The following CCDC148 variants were observed in gnomAD, a reference collection of about 807,000 sequenced individuals.
CCDC148 encodes the protein coiled-coil domain containing 148.
A neutral mutation model predicts 85.7 loss-of-function variants in CCDC148; 89 were observed. The ratio of observed to expected loss-of-function variants is 1.04; its 90% CI spans 0.87 to 1.24. CCDC148 has a LOEUF of 1.24. CCDC148 is among the 50% of genes most tolerant of loss of function. The probability of loss-of-function intolerance (pLI) is 0.00; values close to 1 mark genes in which losing one functional copy is unlikely to be tolerated. For synonymous variants in CCDC148, 230 were observed against 213.9 expected, an observed-to-expected ratio of 1.08 and a Z score of -0.66; for missense variants, 692 against 671.7, an observed-to-expected ratio of 1.03 and a Z score of -0.33.
rs1686026059 is a variant in CCDC148, at chr2:158,202,625, T to C, written c.1370+17970A>G. ...GTCTCTGTTGGCATCTATTCAACTC[T>C]GTCACTGCAGCACACGAAAGCAGCC... On this transcript the variant is annotated intron_variant, in intron 11 of 13. Transcript: ENST00000283233. Among the ~76,000 whole-genome samples the C allele has an allele frequency of 2.6e-5, 4 of 152,230 alleles. No individual in the cohort carries two copies. In the South Asian group the frequency reaches 8.3e-4, roughly 31 times the overall value.
intron 9 of CCDC148, among the ~76,000 whole-genome samples, chr2:158,276,223 G>T (rs1387289203): frequency 1.3e-5 from 2 of 152,072 alleles, no homozygotes; most frequent in African/African-American, 2.4e-5. Flanking sequence ...TCGAGGTCAG[G>T]AGTTCAAGAC....
chr2:158,186,849 G>T (rs1471191003), intron 11 of CCDC148, among the ~76,000 whole-genome samples: 1 of 151,906 alleles, frequency 6.6e-6, no homozygotes, highest in Non-Finnish European at 1.5e-5. Context: ...GAACCAGTCA[G>T]GCTTTATCTC....
At chr2:158,338,562 A>G (rs1682505769) in intron 7 of CCDC148, 164 bp downstream of exon 7, 1 of 546,752 alleles carries the variant, frequency 1.8e-6, no homozygotes, top group Non-Finnish European at 3.0e-6. Context: ...AATTTTTTTG[A>G]AAAAATAAAA....
At chr2:158,374,173 G>A (rs746910032) in intron 1 of CCDC148, among the ~76,000 whole-genome samples, 22 of 152,024 alleles carry the variant, frequency 1.4e-4, no homozygotes, top group Non-Finnish European at 2.6e-4. Context: ...AAGAAGTGAG[G>A]AAGAAAACAC....
chr2:158,394,649 G>T (rs1182679496), intron 1 of CCDC148, among the ~76,000 whole-genome samples: 1 of 151,164 alleles, frequency 6.6e-6, no homozygotes, highest in African/African-American at 2.4e-5. Context: ...CACATTCCTT[G>T]GGGCTTCAGA....
At chr2:158,204,160 A>C (rs77930277) in intron 11 of CCDC148, among the ~76,000 whole-genome samples, 3,376 of 152,298 alleles carry the variant, frequency 0.022, 49 homozygotes, top group East Asian at 0.068. Context: ...GACAGATGCA[A>C]ATTCCACTTC....
chr2:158,228,092 A>T (rs1465049153), intron 10 of CCDC148, among the ~76,000 whole-genome samples: 1 of 152,198 alleles, frequency 6.6e-6, no homozygotes, highest in Admixed American at 6.5e-5. Flanking sequence ...ATCTACAATG[A>T]ACTCCAACAA....
At position 158,171,319 on chromosome 2, in the gene CCDC148, T is replaced by C. The variant is rs1684315954; in HGVS notation, c.*794A>G. On this transcript the variant is annotated 3_prime_UTR_variant, in exon 14 of 14. Coordinates refer to ENST00000283233, the MANE Select transcript of CCDC148 (RefSeq NM_138803.4). ...AATGGCAACTTTCAACAACACTAAC[T>C]TGTTATTCTGCTTGAAAAATTATTT... 6.6e-6 allele frequency: 1 copy of C among 151,970 alleles called. No individual in the cohort carries two copies. 9.4% of individuals were successfully genotyped at this position (151,970 alleles called of 1,614,324 possible).
chr2:158,444,638 C>T (rs1363967940), intron 1 of CCDC148, among the ~76,000 whole-genome samples: 1 of 151,054 alleles, frequency 6.6e-6, no homozygotes, highest in African/African-American at 2.4e-5. Context: ...CAAAATTGGC[C>T]AGGCATGGTG....
intron 2 of CCDC148, among the ~76,000 whole-genome samples, chr2:158,355,657 A>T (rs936634042): frequency 1.5e-5 from 2 of 131,280 alleles, no homozygotes; most frequent in African/African-American, 6.2e-5. Flanking sequence ...ATACTGCCCA[A>T]GGTAATTTAC....
chr2:158,393,268 T>C (rs1006227494), intron 1 of CCDC148: 2 of 152,120 alleles, frequency 1.3e-5, no homozygotes, highest in Non-Finnish European at 2.9e-5. Flanking sequence ...ATAGGTCGAA[T>C]GCTGCCTGGA....
chr2:158,309,406 T>C, intron 9 of CCDC148, 27 bp downstream of exon 9: 1 of 1,568,332 alleles, frequency 6.4e-7, no homozygotes, highest in South Asian at 1.2e-5. Flanking sequence ...TCCAGACAAA[T>C]ACTGAAACAC....
intron 11 of CCDC148, among the ~76,000 whole-genome samples, chr2:158,188,680 T>C (rs1005776861): frequency 2.6e-5 from 4 of 151,954 alleles, no homozygotes; most frequent in Non-Finnish European, 5.9e-5. Context: ...TACATTGGCC[T>C]AGGCAAAGCA....
chr2:158,238,170 T>C (rs574440943), intron 10 of CCDC148, among the ~76,000 whole-genome samples: 21 of 152,036 alleles, frequency 1.4e-4, no homozygotes, highest in Non-Finnish European at 2.6e-4. Flanking sequence ...AGTTTATAGA[T>C]GAAGGTCATA....
intron 7 of CCDC148, among the ~76,000 whole-genome samples, chr2:158,330,892 TCC>T (rs1209422927): frequency 6.6e-6 from 1 of 152,162 alleles, no homozygotes; most frequent in Non-Finnish European, 1.5e-5. Flanking sequence ...TATTTGATTC[TCC>T]TCTCTTTTCT....
chr2:158,186,691 T>C (rs1426198156), intron 11 of CCDC148, among the ~76,000 whole-genome samples: 2 of 152,192 alleles, frequency 1.3e-5, no homozygotes, highest in East Asian at 3.9e-4. Context: ...ATTTCTTAAC[T>C]GAGGAAGCCA....
chr2:158,212,867 G>T (rs1686652493), intron 11 of CCDC148, among the ~76,000 whole-genome samples: 2 of 152,144 alleles, frequency 1.3e-5, no homozygotes, highest in Admixed American at 6.5e-5. Flanking sequence ...CTCAGTGAGG[G>T]TACTGTCTAG....
intron 10 of CCDC148, among the ~76,000 whole-genome samples, chr2:158,227,739 A>G (rs1687625704): frequency 6.6e-6 from 1 of 152,234 alleles, no homozygotes; most frequent in South Asian, 2.1e-4. Context: ...CGTGCTGGGA[A>G]AACTGGCTAG....
chr2:158,419,209 A>T (rs1275159535), intron 1 of CCDC148, among the ~76,000 whole-genome samples: 1 of 152,230 alleles, frequency 6.6e-6, no homozygotes, highest in Non-Finnish European at 1.5e-5. Context: ...AAATAATTCT[A>T]TTGACTTCCA....
Sources: allele counts gnomAD v4.1 joint callset (sites outside exome capture counted in the v4.1 genomes callset), GRCh38; gene constraint gnomAD v4.1.1; transcripts MANE v1.5; gene names NCBI Gene and HGNC (gene_info 2026-07-23, HGNC 2026-07-21).